The following PLXDC2 variants were observed in gnomAD, a reference collection of about 807,000 sequenced individuals.
PLXDC2 encodes plexin domain-containing protein 2.
Under a neutral mutation model 68.9 loss-of-function variants are expected in PLXDC2, and 40 were observed. The ratio of observed to expected loss-of-function variants is 0.58; its 90% CI spans 0.45 to 0.76. The LOEUF (loss-of-function observed/expected upper bound fraction) is 0.76, where lower values mean the gene tolerates loss of function less well. Among genes scored for constraint, PLXDC2 ranks in the 30% least tolerant of loss-of-function variants. PLXDC2 has a pLI of 0.00. For missense variants in PLXDC2, 644 were observed against 661.9 expected, an observed-to-expected ratio of 0.97 and a Z score of 0.30; for synonymous variants, 243 against 234.2, an observed-to-expected ratio of 1.04 and a Z score of -0.34.
At chr10:19,835,497 C>G (rs778762008) in intron 1 of PLXDC2, among the ~76,000 whole-genome samples, 1 of 152,172 alleles carries the variant, frequency 6.6e-6, no homozygotes, top group Non-Finnish European at 1.5e-5. Context: ...CCAGTGAAGA[C>G]AGCAACTCTC....
intron 13 of PLXDC2, among the ~76,000 whole-genome samples, chr10:20,255,029 C>A (rs1293396127): frequency 2.0e-5 from 3 of 152,162 alleles, no homozygotes; most frequent in Non-Finnish European, 2.9e-5. Context: ...GAAATAATTT[C>A]TTCCCTTCAT....
At chr10:20,216,429 T>C (rs1197254315) in intron 10 of PLXDC2, among the ~76,000 whole-genome samples, 2 of 152,140 alleles carry the variant, frequency 1.3e-5, no homozygotes, top group African/African-American at 4.8e-5. Context: ...GGGAATTAAA[T>C]GAGACCCTAG....
chr10:19,998,808 G>A (rs1446519601), intron 1 of PLXDC2, among the ~76,000 whole-genome samples: 1 of 77,750 alleles, frequency 1.3e-5, no homozygotes, highest in African/African-American at 1.0e-4. Flanking sequence ...CTAAACAGTG[G>A]GGGAAAAAAA....
intron 2 of PLXDC2, among the ~76,000 whole-genome samples, chr10:20,037,877 G>A (rs1835606176): frequency 6.6e-6 from 1 of 152,118 alleles, no homozygotes; most frequent in Non-Finnish European, 1.5e-5. Flanking sequence ...TTAATGTGTT[G>A]TACAGTATTC....
intron 2 of PLXDC2, among the ~76,000 whole-genome samples, chr10:20,037,625 A>G (rs1451633149): frequency 1.3e-5 from 2 of 152,166 alleles, no homozygotes; most frequent in Non-Finnish European, 1.5e-5. Flanking sequence ...ATTTCATTTA[A>G]TAAATGAACC....
At chr10:19,908,830 T>C (rs926757198) in intron 1 of PLXDC2, among the ~76,000 whole-genome samples, 6 of 152,124 alleles carry the variant, frequency 3.9e-5, no homozygotes, top group African/African-American at 1.4e-4. Flanking sequence ...AGGGAGTTTC[T>C]AAAGAGAGGC....
rs1443181511 is a variant in PLXDC2 at position 20,034,149 on chromosome 10, A to G, written c.325-12720A>G. Among the ~76,000 whole-genome samples the G allele has an allele frequency of 5.9e-5, 9 of 152,340 alleles. No homozygotes were observed. In the East Asian group the frequency reaches 1.5e-3, roughly 26 times the overall value. ...TTGAAATATTATAAGTTTGAAAACAATCACCCAACATAGCATGTCCTCTTT... is the reference window on the plus strand; with the variant it reads ...TTGAAATATTATAAGTTTGAAAACAGTCACCCAACATAGCATGTCCTCTTT... On this transcript the variant is annotated intron_variant, in intron 2 of 13. Coordinates refer to ENST00000377252, the MANE Select transcript of PLXDC2 (RefSeq NM_032812.9).
chr10:19,850,651 T>A (rs1425401886), intron 1 of PLXDC2, among the ~76,000 whole-genome samples: 1 of 152,172 alleles, frequency 6.6e-6, no homozygotes, highest in East Asian at 1.9e-4. Context: ...TAAATTACTA[T>A]CTGTTAAATT....
intron 6 of PLXDC2, among the ~76,000 whole-genome samples, chr10:20,150,409 A>G (rs1462081991): frequency 6.6e-6 from 1 of 152,168 alleles, no homozygotes; most frequent in East Asian, 1.9e-4. Context: ...GTGGGAGTGT[A>G]AATTAGTTCA....
intron 1 of PLXDC2, among the ~76,000 whole-genome samples, chr10:19,989,334 A>T (rs899532463): frequency 1.1e-4 from 17 of 152,146 alleles, no homozygotes; most frequent in Non-Finnish European, 2.5e-4. Context: ...CTACTCATAA[A>T]TTTTTTCTGA....
intron 1 of PLXDC2, among the ~76,000 whole-genome samples, chr10:19,922,320 C>T (rs1347288795): frequency 2.0e-5 from 3 of 152,194 alleles, no homozygotes; most frequent in African/African-American, 7.2e-5. Context: ...CTTATCGTAA[C>T]TTGTACTTTA....
At chr10:19,940,220 G>A (rs899738109) in intron 1 of PLXDC2, among the ~76,000 whole-genome samples, 2 of 149,648 alleles carry the variant, frequency 1.3e-5, no homozygotes, top group East Asian at 1.9e-4. Flanking sequence ...TTAAAATATA[G>A]TGAAGAACCT....
chr10:20,024,933 G>A (rs566417550), intron 2 of PLXDC2, among the ~76,000 whole-genome samples: 9 of 152,156 alleles, frequency 5.9e-5, no homozygotes, highest in Non-Finnish European at 1.3e-4. Context: ...ATTCCATGGT[G>A]TATATGTAGC....
chr10:20,103,799 C>T (rs1253177296), intron 4 of PLXDC2, among the ~76,000 whole-genome samples: 9 of 152,098 alleles, frequency 5.9e-5, no homozygotes, highest in South Asian at 2.1e-4. Context: ...TGCGCCACCA[C>T]GCCCAGCTAA....
At chr10:20,175,783 G>A (rs1171421993) in intron 7 of PLXDC2, among the ~76,000 whole-genome samples, 2 of 152,160 alleles carry the variant, frequency 1.3e-5, no homozygotes, top group Non-Finnish European at 2.9e-5. Flanking sequence ...ATTGAGCCAT[G>A]ATTGCACCAC....
chr10:20,186,386 G>A (rs1247944365), intron 9 of PLXDC2, among the ~76,000 whole-genome samples: 1 of 151,862 alleles, frequency 6.6e-6, no homozygotes, highest in Non-Finnish European at 1.5e-5. Flanking sequence ...AACTACATGA[G>A]ATTCTTTCTC....
At chr10:20,235,255 C>G (rs1278877931) in intron 12 of PLXDC2, among the ~76,000 whole-genome samples, 2 of 152,166 alleles carry the variant, frequency 1.3e-5, no homozygotes, top group Non-Finnish European at 2.9e-5. Context: ...GAATGGATTC[C>G]TTCTTTCCAT....
chr10:20,190,279 C>A (rs893595761), intron 9 of PLXDC2, among the ~76,000 whole-genome samples: 1 of 151,872 alleles, frequency 6.6e-6, no homozygotes, highest in Non-Finnish European at 1.5e-5. Context: ...TTATATATTT[C>A]ATTCCTTTAG....
At chr10:20,249,462 C>T (rs901292665) in intron 13 of PLXDC2, among the ~76,000 whole-genome samples, 54 of 152,130 alleles carry the variant, frequency 3.5e-4, no homozygotes, top group African/African-American at 1.2e-3. Flanking sequence ...AGGGGATAAT[C>T]GTTTCCTTGC....
Sources: gnomAD v4.1 joint callset for allele counts (sites outside exome capture counted in the v4.1 genomes callset) on GRCh38, gnomAD v4.1.1 for gene constraint, MANE v1.5 for transcripts, NCBI Gene and HGNC (gene_info 2026-07-23, HGNC 2026-07-21) for gene names.